The following FSHR variants were observed in gnomAD, a reference collection of about 807,000 sequenced individuals.
FSHR encodes the protein follicle-stimulating hormone receptor.
Under a neutral mutation model 52.1 loss-of-function variants are expected in FSHR, and 46 were observed. The ratio of observed to expected loss-of-function variants is 0.88; its 90% confidence interval spans 0.70 to 1.13. FSHR has a LOEUF of 1.13. FSHR is among the 50% of genes most tolerant of loss of function. FSHR has a pLI of 0.00. For missense variants in FSHR, 964 were observed against 834.6 expected (o/e 1.16, Z -1.91); for synonymous variants, 399 against 309.6 (o/e 1.29, Z -3.03).
intron 1 of FSHR, among the ~76,000 whole-genome samples, chr2:49,103,292 T>C (rs1405332419): frequency 6.6e-6 from 1 of 152,112 alleles, no homozygotes; most frequent in Non-Finnish European, 1.5e-5. Context: ...ATTTGAAAGA[T>C]CCTCTCTTCT....
At chr2:48,986,102 C>T (rs912917087) in intron 6 of FSHR, among the ~76,000 whole-genome samples, 2 of 152,122 alleles carry the variant, frequency 1.3e-5, no homozygotes, top group Non-Finnish European at 2.9e-5. Flanking sequence ...ACCATAGTAC[C>T]CAATAGATAT....
chr2:49,020,018 A>T, intron 3 of FSHR, 68 bp downstream of exon 3: 1 of 1,320,356 alleles, frequency 7.6e-7, no homozygotes, highest in Non-Finnish European at 1.1e-6. Flanking sequence ...GCCTCCCAGG[A>T]ATGTAGAAGA....
intron 2 of FSHR, among the ~76,000 whole-genome samples, chr2:49,037,165 G>C (rs1668298351): frequency 6.6e-6 from 1 of 152,176 alleles, no homozygotes; most frequent in South Asian, 2.1e-4. Flanking sequence ...GCAGTATCCT[G>C]AGGCCCTTGG....
At chr2:49,142,253 T>A (rs1457517848) in intron 1 of FSHR, among the ~76,000 whole-genome samples, 1 of 152,150 alleles carries the variant, frequency 6.6e-6, no homozygotes, top group Non-Finnish European at 1.5e-5. Context: ...TTGTAGTAAG[T>A]TTATGTGCTA....
chr2:49,090,847 G>A (rs142905030), intron 1 of FSHR, among the ~76,000 whole-genome samples: 11 of 152,128 alleles, frequency 7.2e-5, no homozygotes, highest in East Asian at 1.9e-4. Context: ...AATTAGTTAC[G>A]TAATGGCTAC....
intron 4 of FSHR, among the ~76,000 whole-genome samples, chr2:49,001,800 G>T (rs1380833949): frequency 1.3e-5 from 2 of 152,156 alleles, no homozygotes; most frequent in East Asian, 3.9e-4. Flanking sequence ...TAGCTGTGCT[G>T]TGTTGGAATG....
chr2:48,969,041 G>A (rs1674613658), intron 8 of FSHR, among the ~76,000 whole-genome samples, 158 bp from the exon 9 acceptor site: 1 of 152,186 alleles, frequency 6.6e-6, no homozygotes, highest in Non-Finnish European at 1.5e-5. Flanking sequence ...ATGGATATTT[G>A]GCTAATAGGA....
intron 2 of FSHR, among the ~76,000 whole-genome samples, chr2:49,026,855 C>A (rs933400976): frequency 3.3e-5 from 5 of 152,126 alleles, no homozygotes; most frequent in African/African-American, 7.2e-5. Flanking sequence ...CTGTTGACCC[C>A]CTGAGGTCAC....
chr2:49,141,567 A>C (rs1016097802), intron 1 of FSHR, among the ~76,000 whole-genome samples: 2 of 152,146 alleles, frequency 1.3e-5, no homozygotes, highest in African/African-American at 4.8e-5. Flanking sequence ...AATACCTCCC[A>C]CCAGGCCCCA....
At chr2:49,127,839 T>TTCC (rs1558456752) in intron 1 of FSHR, among the ~76,000 whole-genome samples, 12 of 13,426 alleles carry the variant, frequency 8.9e-4, no homozygotes, top group African/African-American at 4.6e-3. Context: ...CCTCTTCTTC[T>TTCC]TCTTCTTCTT....
intron 4 of FSHR, among the ~76,000 whole-genome samples, chr2:49,009,980 C>A (rs1667210427): frequency 8.4e-6 from 1 of 119,608 alleles, no homozygotes; most frequent in Non-Finnish European, 1.9e-5. Flanking sequence ...CAAACAGGGA[C>A]AATTTGACTT....
At chr2:49,085,089 A>T (rs1670324466) in intron 1 of FSHR, among the ~76,000 whole-genome samples, 1 of 152,206 alleles carries the variant, frequency 6.6e-6, no homozygotes, top group Non-Finnish European at 1.5e-5. Flanking sequence ...TGATGCAAAA[A>T]TCCTCAATAA....
chr2:49,149,103 G>A (rs1466683908), intron 1 of FSHR, among the ~76,000 whole-genome samples: 1 of 151,802 alleles, frequency 6.6e-6, no homozygotes, highest in Non-Finnish European at 1.5e-5. Context: ...AAATATGAAA[G>A]GAACTTGTAA....
rs1019752425 is a variant in FSHR at position 49,010,761 on chromosome 2, A to G, written c.374+6728T>C. ...TTCTTCCTGGTTTAGTCTTGGAAGA[A>G]TGTATGTGTCAAGGAATTTATCCAT... On this transcript the variant is annotated intron_variant, in intron 4 of 9. Transcript: ENST00000406846. Among the ~76,000 whole-genome samples the G allele has an allele frequency of 9.3e-3, 1,418 of 152,094 alleles. 18 individuals carry two copies. The highest frequency in any genetic ancestry group is 0.037 in the Middle Eastern group (11 of 294).
At chr2:48,964,024 T>A in intron 9 of FSHR, 58 bp from the exon 10 acceptor site, 1 of 1,519,512 alleles carries the variant, frequency 6.6e-7, no homozygotes, top group South Asian at 1.1e-5. Context: ...AGCAAATACA[T>A]CACTGTCTTT....
chr2:49,126,079 C>G (rs2103792746), intron 1 of FSHR, among the ~76,000 whole-genome samples: 1 of 152,248 alleles, frequency 6.6e-6, no homozygotes, highest in African/African-American at 2.4e-5. Flanking sequence ...TCACAAATGA[C>G]AAAGCAGTAA....
intron 2 of FSHR, among the ~76,000 whole-genome samples, chr2:49,055,105 C>T (rs1001889846): frequency 4.0e-5 from 6 of 151,726 alleles, no homozygotes; most frequent in Non-Finnish European, 5.9e-5. Flanking sequence ...CAGTGAGATA[C>T]AAGAGAATAC....
At chr2:49,140,707 A>G (rs913000389) in intron 1 of FSHR, among the ~76,000 whole-genome samples, 5 of 152,094 alleles carry the variant, frequency 3.3e-5, no homozygotes, top group African/African-American at 1.2e-4. Flanking sequence ...CCATCTCAAA[A>G]AAAGAGAGAA....
chr2:49,014,082 C>T (rs72875993), intron 4 of FSHR, among the ~76,000 whole-genome samples: 5,533 of 152,126 alleles, frequency 0.036, 299 homozygotes, highest in African/African-American at 0.12. Context: ...GCTTCTAGCC[C>T]CCAGGACCAT....
Sources: allele counts gnomAD v4.1 joint callset (sites outside exome capture counted in the v4.1 genomes callset), GRCh38; gene constraint gnomAD v4.1.1; transcripts MANE v1.5; gene names NCBI Gene and HGNC (gene_info 2026-07-23, HGNC 2026-07-21).